The following C2orf49 variants were observed in gnomAD, a reference collection of about 807,000 sequenced individuals.
C2orf49 encodes tRNA-splicing ligase complex subunit ASW.
A neutral mutation model predicts 20.6 loss-of-function variants in C2orf49; 11 were observed. The observed-to-expected ratio is 0.53, with a 90% CI of 0.34 to 0.88. The LOEUF is 0.88. Among genes scored for constraint, C2orf49 ranks in the 40% least tolerant of loss-of-function variants. C2orf49 has a pLI of 0.02. For synonymous variants in C2orf49, 134 were observed against 108.5 expected (o/e 1.24, Z -1.46); for missense variants, 289 against 274.2 (o/e 1.05, Z -0.38).
the C2orf49 span, chr2:105,374,529 G>T: frequency 6.6e-6 from 1 of 152,394 alleles, no homozygotes; most frequent in African/African-American, 2.4e-5. Context: ...TAAGGATGTG[G>T]GAGTGGAGGG....
downstream of C2orf49, among the ~76,000 whole-genome samples, chr2:105,351,313 G>C (rs1007179716): frequency 7.2e-3 from 258 of 35,980 alleles, 1 homozygote; most frequent in African/African-American, 8.1e-3. Flanking sequence ...TGCCCACCGC[G>C]CCCCCCCCCC....
chr2:105,338,869 C>G (rs1679581575), intron 1 of C2orf49, among the ~76,000 whole-genome samples: 1 of 152,208 alleles, frequency 6.6e-6, no homozygotes, highest in South Asian at 2.1e-4. Context: ...AATCCAAACT[C>G]TGTCTTCATG....
the C2orf49 span, chr2:105,373,591 T>G: frequency 6.2e-7 from 1 of 1,614,222 alleles, no homozygotes; most frequent in Non-Finnish European, 8.5e-7. Flanking sequence ...TTCCTGGCAC[T>G]TGGATGAGTA....
the C2orf49 span, chr2:105,361,252 G>C: frequency 6.3e-7 from 1 of 1,596,608 alleles, no homozygotes. Flanking sequence ...CTGTGTGTGA[G>C]ATCACAAGCA....
the C2orf49 span, chr2:105,358,653 CT>C: frequency 6.6e-6 from 1 of 152,164 alleles, no homozygotes; most frequent in Non-Finnish European, 1.5e-5. Flanking sequence ...TTGTTGTATG[CT>C]TCTGGGGAAA....
intron 3 of C2orf49, among the ~76,000 whole-genome samples, chr2:105,344,850 TTACAGAC>T (rs893666326): frequency 2.0e-5 from 3 of 152,044 alleles, no homozygotes; most frequent in African/African-American, 7.2e-5. Flanking sequence ...TCGGCTGGGA[TTACAGAC>T]GTGAGCCACC....
In C2orf49 at chr2:105,342,979, G is replaced by C. The variant is rs774787233; in HGVS notation, c.398G>C (p.Ser133Thr). ...NDRLKPPPQA[S>T]FTSNAFRKLS... ...CGACTGAAGCCTCCCCCGCAGGCAA[G>C]CTTTACCAGTAATGCCTTTAGAAAA... The change falls in exon 3 of 4, where the codon AGC (serine) becomes ACC (threonine). Residue 133 changes from serine to threonine, a missense_variant. Coordinates refer to ENST00000258457, the MANE Select transcript of C2orf49 (RefSeq NM_024093.3). 2 of 1,614,220 alleles carry C rather than the reference G, an allele frequency of 1.2e-6. No individual in the cohort carries two copies. The highest frequency in any genetic ancestry group is 1.7e-6 in the Non-Finnish European group (2 of 1,180,038).
chr2:105,338,544 T>C (rs1216087285), intron 1 of C2orf49, among the ~76,000 whole-genome samples: 1 of 152,178 alleles, frequency 6.6e-6, no homozygotes, highest in East Asian at 1.9e-4. Context: ...CTTGCATTTT[T>C]AACGAGCTTG....
the C2orf49 span, among the ~76,000 whole-genome samples, chr2:105,377,185 T>C: frequency 1.3e-5 from 2 of 152,130 alleles, no homozygotes; most frequent in African/African-American, 4.8e-5. Flanking sequence ...ATGGGCTTGA[T>C]GGGGGTAGTA....
At chr2:105,361,199 C>G in the C2orf49 span, 1 of 1,434,224 alleles carries the variant, frequency 7.0e-7, no homozygotes, top group Non-Finnish European at 9.6e-7. Flanking sequence ...CTGGAAGAAA[C>G]CAGAAGGCAA....
the C2orf49 span, among the ~76,000 whole-genome samples, chr2:105,381,411 A>G: frequency 6.6e-6 from 1 of 152,110 alleles, no homozygotes; most frequent in Non-Finnish European, 1.5e-5. Flanking sequence ...TAGACATGGA[A>G]ACGGAGGCTT....
At chr2:105,341,973 G>C (rs1679683025) in intron 2 of C2orf49, among the ~76,000 whole-genome samples, 1 of 152,190 alleles carries the variant, frequency 6.6e-6, no homozygotes, top group African/African-American at 2.4e-5. Flanking sequence ...AGGAGTTCAA[G>C]ACCAGCCTGG....
chr2:105,360,232 G>A, the C2orf49 span: 2 of 150,346 alleles, frequency 1.3e-5, no homozygotes, highest in East Asian at 2.0e-4. Flanking sequence ...AACGCGGGAA[G>A]TGGAGGTTGC....
At chr2:105,363,601 G>T in the C2orf49 span, 1 of 847,662 alleles carries the variant, frequency 1.2e-6, no homozygotes, top group Non-Finnish European at 1.8e-6. Flanking sequence ...CCAAGAAGCT[G>T]CTTTACAAAC....
chr2:105,373,323 A>G, the C2orf49 span, among the ~76,000 whole-genome samples: 5 of 152,190 alleles, frequency 3.3e-5, no homozygotes, highest in Middle Eastern at 3.2e-3. Context: ...TACTCTAACA[A>G]TTTGACTGCA....
chr2:105,355,770 TTGTGTGTGTGTGTG>T, the C2orf49 span, among the ~76,000 whole-genome samples: 2,714 of 143,172 alleles, frequency 0.019, 97 homozygotes, highest in African/African-American at 0.064. Context: ...AGAAAAAATT[TTGTGTGTGTGTGTG>T]TGTGTGTGTG....
In C2orf49 at chr2:105,347,619, A is replaced by G. The variant is rs1230809089; in HGVS notation, c.*2248A>G. On this transcript the variant is annotated 3_prime_UTR_variant, in exon 4 of 4. Transcript: ENST00000258457. ...GTGGAGAAACGCTAAACCATGTACT[A>G]TGTGTTAACATAATCCCACCTTCTT... 1 of 152,192 alleles carries G rather than the reference A, an allele frequency of 6.6e-6. No individual in the cohort carries two copies. The highest frequency in any genetic ancestry group is 2.4e-5 in the African/African-American group (1 of 41,458). The allele number at this position is 152,192 out of a possible 1,614,324, so 9.4% of individuals were successfully genotyped here. A position where few individuals can be genotyped will look rare whatever the true frequency, so the allele number is the denominator to read the frequency against.
chr2:105,356,433 G>A, the C2orf49 span, among the ~76,000 whole-genome samples: 1 of 152,032 alleles, frequency 6.6e-6, no homozygotes, highest in Non-Finnish European at 1.5e-5. Context: ...CACACAGCCA[G>A]GCATGGTGGT....
At position 105,337,706 on chromosome 2, in the gene C2orf49, AGGGT is replaced by A; in HGVS notation, c.99+24_99+27del. On this transcript the variant is annotated intron_variant, in intron 1 of 3. Coordinates refer to ENST00000258457, the MANE Select transcript of C2orf49 (RefSeq NM_024093.3). ...GAGCAGGTTGGGCGCGCCGGATCGG[AGGGT>A]GGGCGGGTGGGCCTTCCCAGGTGAG... 1 of 23,154 alleles carries A rather than the reference AGGGT, an allele frequency of 4.3e-5. No homozygotes were observed. Among genetic ancestry groups the A allele is most frequent in the Non-Finnish European group, 7.1e-5 (1 of 14,172 alleles). The allele number at this position is 23,154 out of a possible 1,614,324, so 1.4% of individuals were successfully genotyped here.
Sources: gnomAD v4.1 joint callset for allele counts (sites outside exome capture counted in the v4.1 genomes callset) on GRCh38, gnomAD v4.1.1 for gene constraint, MANE v1.5 for transcripts, NCBI Gene and HGNC (gene_info 2026-07-23, HGNC 2026-07-21) for gene names.